Variants in CDH18 observed in about 807,000 individuals in gnomAD.
The protein encoded by CDH18 is cadherin 18.
CDH18 carries 31 observed loss-of-function variants against 67.9 expected under a neutral mutation model. The observed-to-expected ratio is 0.46, with a 90% CI of 0.34 to 0.62. The LOEUF (loss-of-function observed/expected upper bound fraction) is 0.62. CDH18 is among the 20% of genes least tolerant of loss of function. The pLI, the probability that CDH18 is intolerant of heterozygous loss-of-function variation, is 0.01. For synonymous variants in CDH18, 362 were observed against 347.2 expected (o/e 1.04, Z -0.48); for missense variants, 890 against 975.5 (o/e 0.91, Z 1.17).
chr5:19,503,122 C>A lies in CDH18; in HGVS notation c.1513-13G>T, dbSNP rs1448695736. On this transcript the variant is annotated splice_polypyrimidine_tract_variant and intron_variant, in intron 10 of 12. Transcript: ENST00000382275. ...TGGTATGAATAACCTAAAGAAAAGA[C>A]AAACTCTAAATCGTAAATTTAATTT... 3.0e-6 allele frequency: 4 copies of A among 1,316,438 alleles called. No individual in the cohort carries two copies. The highest frequency in any genetic ancestry group is 2.4e-5 in the South Asian group (2 of 83,856). The allele number at this position is 1,316,438 out of a possible 1,614,324, so 81.5% of individuals were successfully genotyped here.
intron 9 of CDH18, among the ~76,000 whole-genome samples, chr5:19,522,894 C>CAAAA (rs36099222): frequency 2.0e-4 from 17 of 83,866 alleles, no homozygotes; most frequent in Admixed American, 1.6e-3. Context: ...GACTCCTTCT[C>CAAAA]AAAAAAAAAA....
rs142715054 is a variant in CDH18 at position 20,107,040 on chromosome 5, A to C, written c.-517-115026T>G. On this transcript the variant is annotated intron_variant, in intron 2 of 14. Transcript: ENST00000507958. ...CTTTGTTTTTTACACTGTGATTCTGAATAATATTTTGTTAGAAAGCACTTA... is the reference window on the plus strand; with the variant it reads ...CTTTGTTTTTTACACTGTGATTCTGCATAATATTTTGTTAGAAAGCACTTA... 9.7e-3 allele frequency among the ~76,000 whole-genome samples: 1,473 copies of C among 151,928 alleles called. 13 individuals carry two copies. The highest frequency in any genetic ancestry group is 0.012 in the African/African-American group (493 of 41,478).
intron 3 of CDH18, among the ~76,000 whole-genome samples, chr5:19,785,352 C>T (rs902565128): frequency 6.6e-6 from 1 of 151,654 alleles, no homozygotes; most frequent in Non-Finnish European, 1.5e-5. Flanking sequence ...ATAGTAGCCA[C>T]TCAATATATG....
chr5:20,359,052 C>T, intron 1 of CDH18, among the ~76,000 whole-genome samples: 1 of 151,138 alleles, frequency 6.6e-6, no homozygotes, highest in Non-Finnish European at 1.5e-5. Flanking sequence ...CTGCCTCAGC[C>T]TCCCAAGTAG....
intron 1 of CDH18, among the ~76,000 whole-genome samples, chr5:20,297,861 G>A (rs1215795804): frequency 6.6e-6 from 1 of 152,154 alleles, no homozygotes; most frequent in Non-Finnish European, 1.5e-5. Context: ...TCTTCTGCCT[G>A]TCCTCCAGAA....
At chr5:20,401,294 T>C (rs775352213) in intron 1 of CDH18, among the ~76,000 whole-genome samples, 5 of 152,216 alleles carry the variant, frequency 3.3e-5, no homozygotes, top group Non-Finnish European at 5.9e-5. Context: ...GCATATCATG[T>C]ATGTATTACA....
chr5:19,786,024 T>C (rs900755580), intron 3 of CDH18, among the ~76,000 whole-genome samples: 3 of 151,920 alleles, frequency 2.0e-5, no homozygotes, highest in African/African-American at 7.2e-5. Context: ...AGGATTACAG[T>C]AACGAGACAT....
chr5:19,748,067 C>A (rs1022343256), intron 3 of CDH18, among the ~76,000 whole-genome samples: 3 of 127,008 alleles, frequency 2.4e-5, no homozygotes, highest in Non-Finnish European at 4.7e-5. Flanking sequence ...GAGCCGAGAT[C>A]GCGCCACTGC....
intron 2 of CDH18, among the ~76,000 whole-genome samples, chr5:20,006,074 A>G (rs193291765): frequency 2.6e-4 from 40 of 152,084 alleles, no homozygotes; most frequent in African/African-American, 9.4e-4. Flanking sequence ...AACACACTAC[A>G]TAATATGTCA....
At chr5:20,373,299 TTTC>T (rs1327475834) in intron 1 of CDH18, among the ~76,000 whole-genome samples, 1 of 152,176 alleles carries the variant, frequency 6.6e-6, no homozygotes, top group Non-Finnish European at 1.5e-5. Flanking sequence ...CACAGCAATC[TTTC>T]TTAAGTCCCT....
rs185311151 is a variant in CDH18 at position 19,947,676 on chromosome 5, T to C, written c.-257+33384A>G. On this transcript the variant is annotated intron_variant, in intron 2 of 12. Coordinates refer to ENST00000382275, the MANE Select transcript of CDH18 (RefSeq NM_004934.5). ...TACTTGGGAGGCTGAGGCAGAACAATTGCTTGAACCTGGGAGGTGGAGATT... is the reference window on the plus strand; with the variant it reads ...TACTTGGGAGGCTGAGGCAGAACAACTGCTTGAACCTGGGAGGTGGAGATT... Among the ~76,000 whole-genome samples the C allele has an allele frequency of 2.0e-3, 305 of 150,768 alleles. 2 individuals carry two copies. Among genetic ancestry groups the C allele is most frequent in the African/African-American group, 7.0e-3 (286 of 41,058 alleles).
At chr5:20,280,213 C>CT (rs1006896958) in intron 1 of CDH18, among the ~76,000 whole-genome samples, 1 of 150,922 alleles carries the variant, frequency 6.6e-6, no homozygotes, top group African/African-American at 2.4e-5. Flanking sequence ...TTTCTGGATT[C>CT]TTTTTTTTAT....
At chr5:20,550,309 T>C (rs1269319840) in intron 1 of CDH18, among the ~76,000 whole-genome samples, 6 of 152,046 alleles carry the variant, frequency 3.9e-5, no homozygotes, top group African/African-American at 1.4e-4. Flanking sequence ...TGAACAAGAG[T>C]CCTATCAGGT....
rs947519351 is a variant in CDH18 at position 19,600,593 on chromosome 5, T to A, written c.812-9349A>T. ...TTATACACTTGAATTTATTTTTCTG[T>A]CCTTTTTCTTGAAAAAAAGAAATAT... On this transcript the variant is annotated intron_variant, in intron 6 of 12. Transcript: ENST00000382275. 2.6e-5 allele frequency among the ~76,000 whole-genome samples: 4 copies of A among 151,206 alleles called. No individual in the cohort carries two copies. In the Admixed American group the frequency reaches 2.7e-4, roughly 10 times the overall value.
chr5:19,587,477 A>G (rs961521538), intron 7 of CDH18, among the ~76,000 whole-genome samples: 1 of 152,168 alleles, frequency 6.6e-6, no homozygotes, highest in Admixed American at 6.6e-5. Context: ...ATGTAGTATA[A>G]GGAAGGGTGT....
chr5:20,167,167 A>T (rs1180016273), intron 2 of CDH18, among the ~76,000 whole-genome samples: 2 of 152,172 alleles, frequency 1.3e-5, no homozygotes, highest in Non-Finnish European at 2.9e-5. Context: ...ATATTTGAGG[A>T]ATATACACTT....
At chr5:19,991,218 A>T (rs1799963134), upstream of CDH18, among the ~76,000 whole-genome samples, 1 of 152,198 alleles carries the variant, frequency 6.6e-6, no homozygotes, top group Non-Finnish European at 1.5e-5. Context: ...AACCTGAATA[A>T]GGGAGCAATG....
At chr5:20,421,827 C>CATAT (rs139825417) in intron 1 of CDH18, among the ~76,000 whole-genome samples, 100 of 147,644 alleles carry the variant, frequency 6.8e-4, no homozygotes, top group South Asian at 3.4e-3. Context: ...ATATATCAAT[C>CATAT]ATATATATAT....
intron 1 of CDH18, among the ~76,000 whole-genome samples, chr5:20,324,652 A>C (rs1182106282): frequency 6.6e-6 from 1 of 152,226 alleles, no homozygotes; most frequent in African/African-American, 2.4e-5. Context: ...ATCATTTAGC[A>C]TAATCTTTCA....
Sources: gnomAD v4.1 joint callset for allele counts (sites outside exome capture counted in the v4.1 genomes callset) on GRCh38, gnomAD v4.1.1 for gene constraint, MANE v1.5 for transcripts, NCBI Gene and HGNC (gene_info 2026-07-23, HGNC 2026-07-21) for gene names.